CLECL1: variants seen among roughly 807,000 people sequenced by gnomAD.
CLECL1 encodes the protein C-type lectin-like domain family 1.
exon 3 of CLECL1, chr12:9,716,662 G>C: frequency 1.9e-6 from 1 of 528,532 alleles, no homozygotes. Flanking sequence ...CTCTTCATCA[G>C]AGGCCTCTTC....
chr12:9,727,423 T>A (rs938735404), intron 3 of CLECL1, among the ~76,000 whole-genome samples: 1 of 151,816 alleles, frequency 6.6e-6, no homozygotes, highest in African/African-American at 2.4e-5. Context: ...AGAATTGTAA[T>A]GAGTCCATGA....
intron 3 of CLECL1, among the ~76,000 whole-genome samples, chr12:9,723,574 A>G (rs762145071): frequency 3.3e-5 from 5 of 152,244 alleles, no homozygotes; most frequent in African/African-American, 1.2e-4. Flanking sequence ...CATTTTTACA[A>G]TTGTTAGCCT....
At chr12:9,728,466 T>C (rs1043021162) in intron 2 of CLECL1, among the ~76,000 whole-genome samples, 2 of 151,978 alleles carry the variant, frequency 1.3e-5, no homozygotes, top group East Asian at 3.9e-4. Context: ...ATGCAAGAAT[T>C]TTATTAGTGA....
chr12:9,708,716 G>A, the CLECL1 span, among the ~76,000 whole-genome samples: 11 of 152,146 alleles, frequency 7.2e-5, no homozygotes, highest in Non-Finnish European at 1.5e-4. Flanking sequence ...GGTACCTACC[G>A]CATTGGTACC....
downstream of CLECL1, among the ~76,000 whole-genome samples, chr12:9,721,739 C>G (rs1866315382): frequency 6.6e-6 from 1 of 152,166 alleles, no homozygotes. Context: ...CTTTCTTGTT[C>G]ATTAAAATTT....
At chr12:9,723,596 T>C (rs1037078666) in intron 3 of CLECL1, among the ~76,000 whole-genome samples, 2 of 152,136 alleles carry the variant, frequency 1.3e-5, no homozygotes, top group Non-Finnish European at 2.9e-5. Context: ...AGGCCAATTG[T>C]AGTCCCATGT....
intron 1 of CLECL1, among the ~76,000 whole-genome samples, chr12:9,731,417 G>A (rs923730526): frequency 6.6e-5 from 10 of 152,128 alleles, no homozygotes; most frequent in Non-Finnish European, 1.5e-4. Context: ...GAAATGGTAA[G>A]GAATATGACA....
At chr12:9,732,822 G>A in intron 1 of CLECL1, 127 bp downstream of exon 1, 2 of 713,808 alleles carry the variant, frequency 2.8e-6, no homozygotes, top group Admixed American at 6.2e-5. Context: ...CTTATTCTTA[G>A]CATTCAATGA....
At chr12:9,724,555 A>G (rs781058969) in intron 3 of CLECL1, among the ~76,000 whole-genome samples, 7 of 152,344 alleles carry the variant, frequency 4.6e-5, no homozygotes, top group African/African-American at 9.6e-5. Flanking sequence ...ATTGAGAAAT[A>G]TAGTAAAACA....
At chr12:9,706,997 G>C in the CLECL1 span, among the ~76,000 whole-genome samples, 482 of 152,264 alleles carry the variant, frequency 3.2e-3, 3 homozygotes, top group African/African-American at 0.011. Flanking sequence ...TTTCTGGGGA[G>C]GTTGGTAGGC....
At chr12:9,733,442 A>G, upstream of CLECL1, 1 of 555,310 alleles carries the variant, frequency 1.8e-6, no homozygotes. Context: ...AAAGTAGGAT[A>G]GCTATTTGGG....
At chr12:9,704,227 T>C in the CLECL1 span, 28 of 152,338 alleles carry the variant, frequency 1.8e-4, no homozygotes, top group African/African-American at 5.5e-4. Flanking sequence ...GAATTTTAAT[T>C]GCACAAGGAG....
chr12:9,733,111 A>AGGT (rs1555113160), upstream of CLECL1: 10 of 1,613,126 alleles, frequency 6.2e-6, no homozygotes, highest in African/African-American at 1.3e-4. Flanking sequence ...GAAACTTCTG[A>AGGT]TAAGTAAATT....
At chr12:9,715,410 G>T (rs1379931611), downstream of CLECL1, among the ~76,000 whole-genome samples, 1 of 152,146 alleles carries the variant, frequency 6.6e-6, no homozygotes, top group East Asian at 1.9e-4. Flanking sequence ...GTGATCATGG[G>T]AGGTTCAAAG....
intron 2 of CLECL1, among the ~76,000 whole-genome samples, chr12:9,727,828 C>G (rs1866397792): frequency 6.6e-6 from 1 of 151,662 alleles, no homozygotes; most frequent in Non-Finnish European, 1.5e-5. Flanking sequence ...ACTACTCTTT[C>G]CTAGATTTAG....
chr12:9,715,049 A>G (rs915842456), downstream of CLECL1, among the ~76,000 whole-genome samples: 11 of 152,124 alleles, frequency 7.2e-5, no homozygotes, highest in African/African-American at 2.2e-4. Context: ...GTGATTATCA[A>G]TTCTAAAGGG....
upstream of CLECL1, among the ~76,000 whole-genome samples, chr12:9,734,147 T>C (rs1007427093): frequency 1.1e-4 from 16 of 152,254 alleles, no homozygotes; most frequent in African/African-American, 3.1e-4. Flanking sequence ...CTCAAGTGCA[T>C]TCTGCAGAAT....
At chr12:9,733,361 A>G (rs142778932), upstream of CLECL1, 710 of 803,806 alleles carry the variant, frequency 8.8e-4, 4 homozygotes, top group African/African-American at 0.011. Flanking sequence ...ATTTTCTCCT[A>G]TAGACCACTT....
At chr12:9,730,742 T>G (rs746248536) in intron 1 of CLECL1, among the ~76,000 whole-genome samples, 50 of 152,036 alleles carry the variant, frequency 3.3e-4, no homozygotes, top group African/African-American at 1.2e-3. Flanking sequence ...CAGGCTAGAG[T>G]GCAGTGGCAT....
Sources: allele counts gnomAD v4.1 joint callset (sites outside exome capture counted in the v4.1 genomes callset), GRCh38; gene constraint gnomAD v4.1.1; transcripts MANE v1.5; gene names NCBI Gene and HGNC (gene_info 2026-07-23, HGNC 2026-07-21).